Variants in CSMD2 observed in about 807,000 individuals in gnomAD.
CSMD2 encodes the protein CUB and Sushi multiple domains 2, also known as CUB and sushi domain-containing protein 2.
A neutral mutation model predicts 398.5 loss-of-function variants in CSMD2; 130 were observed. The observed-to-expected ratio is 0.33, with a 90% CI of 0.28 to 0.38. CSMD2 has a LOEUF of 0.38. Among genes scored for constraint, CSMD2 ranks in the 10% least tolerant of loss-of-function variants. The pLI, the probability that CSMD2 is intolerant of heterozygous loss-of-function variation, is 1.00. For synonymous variants in CSMD2, 1,828 were observed against 1,908.5 expected (o/e 0.96, Z 1.10); for missense variants, 3,829 against 4,764.9 (o/e 0.80, Z 5.78).
chr1:33,913,782 G>A (rs530752049), intron 5 of CSMD2, among the ~76,000 whole-genome samples: 189 of 152,168 alleles, frequency 1.2e-3, no homozygotes, highest in African/African-American at 4.4e-3. Context: ...TATTCTAGGA[G>A]AGGATGTCTG....
chr1:33,573,786 A>G (rs10798967), intron 49 of CSMD2, among the ~76,000 whole-genome samples: 33,749 of 152,094 alleles, frequency 0.22, 3,999 homozygotes, highest in Non-Finnish European at 0.26. Context: ...GAAGAGAGAC[A>G]CAAGTCTTCA....
intron 32 of CSMD2, among the ~76,000 whole-genome samples, chr1:33,632,148 T>C (rs1031098651): frequency 6.6e-6 from 1 of 151,734 alleles, no homozygotes; most frequent in Non-Finnish European, 1.5e-5. Context: ...AAATAATAAA[T>C]CAAAATAAAT....
At chr1:33,823,941 C>A (rs1261658933) in intron 7 of CSMD2, among the ~76,000 whole-genome samples, 1 of 152,106 alleles carries the variant, frequency 6.6e-6, no homozygotes, top group Non-Finnish European at 1.5e-5. Context: ...GAAAAATGCA[C>A]CCAGAGCATC....
chr1:33,790,428 T>TC (rs1221629169), intron 11 of CSMD2, among the ~76,000 whole-genome samples: 17 of 152,180 alleles, frequency 1.1e-4, no homozygotes, highest in Non-Finnish European at 1.5e-5. Flanking sequence ...ATTCCTCCTG[T>TC]CCAATTGGCT....
chr1:33,808,800 AT>A (rs1423949448), intron 10 of CSMD2, among the ~76,000 whole-genome samples: 1 of 151,988 alleles, frequency 6.6e-6, no homozygotes, highest in South Asian at 2.1e-4. Flanking sequence ...ACAAAAATTC[AT>A]TTTCTGGAAA....
intron 29 of CSMD2, among the ~76,000 whole-genome samples, chr1:33,642,436 C>G (rs1435320197): frequency 6.6e-6 from 1 of 151,790 alleles, no homozygotes; most frequent in African/African-American, 2.4e-5. Flanking sequence ...CACATTTATC[C>G]CAGGAGAATG....
At chr1:34,035,287 AAAG>A (rs1650975330) in intron 2 of CSMD2, among the ~76,000 whole-genome samples, 1 of 152,304 alleles carries the variant, frequency 6.6e-6, no homozygotes, top group Non-Finnish European at 1.5e-5. Flanking sequence ...CCAAACATAT[AAAG>A]AAGAATTAAC....
intron 25 of CSMD2, among the ~76,000 whole-genome samples, chr1:33,666,111 A>G (rs1275715847): frequency 6.6e-6 from 1 of 152,084 alleles, no homozygotes; most frequent in Non-Finnish European, 1.5e-5. Context: ...TCCTTTCCCT[A>G]TACTAGAATC....
At chr1:34,092,468 G>A (rs1242810269) in intron 1 of CSMD2, among the ~76,000 whole-genome samples, 2 of 152,168 alleles carry the variant, frequency 1.3e-5, no homozygotes, top group African/African-American at 2.4e-5. Context: ...GCAGAAGAGG[G>A]GTGATTTCTG....
intron 24 of CSMD2, 99 bp downstream of exon 24, chr1:33,698,654 C>A (rs1171022860): frequency 3.4e-5 from 39 of 1,162,444 alleles, no homozygotes; most frequent in Non-Finnish European, 4.4e-5. Context: ...TGATGGCCCC[C>A]AGGCCCTGGA....
At chr1:33,988,710 T>C (rs992511492) in intron 3 of CSMD2, among the ~76,000 whole-genome samples, 5 of 151,288 alleles carry the variant, frequency 3.3e-5, no homozygotes, top group African/African-American at 1.2e-4. Context: ...CAAATACTTG[T>C]TGATGGAAAA....
chr1:33,542,688 G>T, intron 58 of CSMD2, 32 bp downstream of exon 58: 2 of 1,589,816 alleles, frequency 1.3e-6, no homozygotes, highest in South Asian at 1.1e-5. Context: ...GGCCACTGTT[G>T]GCCATGGAAC....
chr1:33,540,794 T>G, intron 59 of CSMD2, 96 bp from the exon 60 acceptor site: 2 of 1,390,474 alleles, frequency 1.4e-6, no homozygotes, highest in Admixed American at 2.0e-5. Flanking sequence ...TGCACCCACC[T>G]AGAGCCTGGG....
At chr1:34,154,727 CTTTT>C (rs10709808) in intron 1 of CSMD2, among the ~76,000 whole-genome samples, 21 of 113,148 alleles carry the variant, frequency 1.9e-4, no homozygotes, top group East Asian at 2.7e-4. Flanking sequence ...AGGATCCAGG[CTTTT>C]TTTTTTTTTT....
intron 1 of CSMD2, among the ~76,000 whole-genome samples, chr1:34,154,535 A>G (rs536464299): frequency 1.3e-4 from 20 of 152,354 alleles, no homozygotes; most frequent in African/African-American, 4.3e-4. Context: ...TGATGGATGT[A>G]TAACTCATAA....
chr1:33,955,464 T>G (rs1645137642), intron 3 of CSMD2, among the ~76,000 whole-genome samples: 2 of 152,128 alleles, frequency 1.3e-5, no homozygotes, highest in African/African-American at 4.8e-5. Context: ...CTGTTATACC[T>G]TCTTAATTAG....
chr1:33,953,410 T>C (rs1408814816), intron 3 of CSMD2, among the ~76,000 whole-genome samples: 1 of 152,194 alleles, frequency 6.6e-6, no homozygotes, highest in Non-Finnish European at 1.5e-5. Flanking sequence ...CCTCGCACAG[T>C]CTGTCTGTCC....
intron 2 of CSMD2, among the ~76,000 whole-genome samples, chr1:34,080,953 A>AGAAAGAAG (rs1657013927): frequency 6.6e-6 from 1 of 150,898 alleles, no homozygotes; most frequent in Non-Finnish European, 1.5e-5. Context: ...AAAGAAAGAA[A>AGAAAGAAG]GAAAGAAAGA....
chr1:33,898,508 G>A (rs983279883), intron 5 of CSMD2, among the ~76,000 whole-genome samples: 5 of 152,284 alleles, frequency 3.3e-5, no homozygotes, highest in African/African-American at 1.2e-4. Flanking sequence ...TAATCCCCCT[G>A]AATAAAGAAC....
Sources: gnomAD v4.1 joint callset for allele counts (sites outside exome capture counted in the v4.1 genomes callset) on GRCh38, gnomAD v4.1.1 for gene constraint, MANE v1.5 for transcripts, NCBI Gene and HGNC (gene_info 2026-07-23, HGNC 2026-07-21) for gene names.